Variants in LRRC2 observed in about 807,000 individuals in gnomAD.
The protein encoded by LRRC2 is leucine rich repeat containing 2.
Under a neutral mutation model 40.2 loss-of-function variants are expected in LRRC2, and 27 were observed. The ratio of observed to expected loss-of-function variants is 0.67; its 90% CI spans 0.49 to 0.93. The LOEUF (loss-of-function observed/expected upper bound fraction) is 0.93, where lower values mean the gene tolerates loss of function less well. Among genes scored for constraint, LRRC2 ranks in the 40% least tolerant of loss-of-function variants. LRRC2 has a pLI of 0.00. For missense variants in LRRC2, 402 were observed against 439.6 expected, an observed-to-expected ratio of 0.91 and a Z score of 0.76; for synonymous variants, 147 against 158.9, an observed-to-expected ratio of 0.92 and a Z score of 0.56.
At chr3:46,544,967 C>A in intron 3 of LRRC2, 79 bp downstream of exon 3, 1 of 1,319,096 alleles carries the variant, frequency 7.6e-7, no homozygotes, top group Non-Finnish European at 1.1e-6. Flanking sequence ...CAAAAGCATT[C>A]ATTCATTCAT....
chr3:46,522,352 G>T (rs1703978057), intron 7 of LRRC2, among the ~76,000 whole-genome samples: 1 of 150,828 alleles, frequency 6.6e-6, no homozygotes, highest in South Asian at 2.1e-4. Context: ...TCTAGTCTGG[G>T]CAACAGAGCG....
At chr3:46,541,644 T>C (rs1281622260) in intron 3 of LRRC2, among the ~76,000 whole-genome samples, 1 of 152,120 alleles carries the variant, frequency 6.6e-6, no homozygotes, top group Non-Finnish European at 1.5e-5. Context: ...CCTGGGCTTC[T>C]CACCAGAAGC....
At chr3:46,553,564 T>A (rs969845289) in intron 1 of LRRC2, among the ~76,000 whole-genome samples, 1 of 152,244 alleles carries the variant, frequency 6.6e-6, no homozygotes, top group Non-Finnish European at 1.5e-5. Context: ...CGCATGTCTG[T>A]AGTCCCTCAA....
At chr3:46,525,426 T>A (rs1166725608) in intron 7 of LRRC2, among the ~76,000 whole-genome samples, 3 of 151,854 alleles carry the variant, frequency 2.0e-5, no homozygotes, top group African/African-American at 7.3e-5. Context: ...AATTTCTTAA[T>A]TTTTTGTAGA....
chr3:46,534,869 A>G (rs1426381229), intron 4 of LRRC2, among the ~76,000 whole-genome samples: 1 of 152,240 alleles, frequency 6.6e-6, no homozygotes, highest in African/African-American at 2.4e-5. Flanking sequence ...GCTGCTCAAC[A>G]TAAAAGAGCT....
chr3:46,548,549 C>CA (rs34248798), intron 2 of LRRC2, among the ~76,000 whole-genome samples: 127 of 151,802 alleles, frequency 8.4e-4, no homozygotes, highest in South Asian at 2.1e-3. Flanking sequence ...AATAAACATA[C>CA]AAAAAAAATG....
At chr3:46,524,141 AGGCTT>A (rs1704014740) in intron 7 of LRRC2, among the ~76,000 whole-genome samples, 1 of 152,246 alleles carries the variant, frequency 6.6e-6, no homozygotes, top group Non-Finnish European at 1.5e-5. Context: ...CCATCTGGTA[AGGCTT>A]GGTAATGCCT....
chr3:46,520,009 C>T (rs888859150), intron 8 of LRRC2, among the ~76,000 whole-genome samples: 1 of 151,424 alleles, frequency 6.6e-6, no homozygotes, highest in Non-Finnish European at 1.5e-5. Context: ...TGAATATATA[C>T]AGAATAAAAT....
At chr3:46,519,145 A>G (rs1703920873) in intron 8 of LRRC2, 82 bp from the exon 9 acceptor site, 7 of 882,730 alleles carry the variant, frequency 7.9e-6, no homozygotes, top group Non-Finnish European at 1.4e-5. Context: ...ATACATAATG[A>G]ATGTATGTCA....
At chr3:46,541,332 CAAAAAAAA>C (rs571449281) in intron 3 of LRRC2, among the ~76,000 whole-genome samples, 1 of 63,946 alleles carries the variant, frequency 1.6e-5, no homozygotes, top group Non-Finnish European at 3.2e-5. Context: ...GACTCCGTCT[CAAAAAAAA>C]AAAAAAAAGA....
chr3:46,520,176 AATG>A (rs1703941046), intron 8 of LRRC2, among the ~76,000 whole-genome samples: 1 of 148,542 alleles, frequency 6.7e-6, no homozygotes, highest in Non-Finnish European at 1.5e-5. Flanking sequence ...ATATTTATTA[AATG>A]ATATTTTATA....
At position 46,516,210 on chromosome 3, in the gene LRRC2, C is replaced by T. The variant is rs558257865; in HGVS notation, c.*2804G>A. The T allele has an allele frequency of 1.7e-3, 255 of 152,150 alleles. No homozygotes were observed. The highest frequency in any genetic ancestry group is 2.8e-3 in the Non-Finnish European group (193 of 68,032). 9.4% of individuals were successfully genotyped at this position (152,150 alleles called of 1,614,324 possible). On this transcript the variant is annotated 3_prime_UTR_variant, in exon 9 of 9. Coordinates refer to ENST00000395905, the MANE Select transcript of LRRC2 (RefSeq NM_024512.5). ...TGACCTCATGATTCACCCATCTCGG[C>T]CTCCCAAAGTGCTGGGATTATAGGC...
chr3:46,532,884 G>A lies in LRRC2; in HGVS notation c.516C>T (p.Leu172=). Residue 172 remains leucine, a synonymous_variant, in exon 5 of 9, where the codon CTC becomes CTT. Transcript: ENST00000395905. ...EIGCLKNLKE[L]NVGFNYLKSI... ...TCTTCAGATAGTTGAAACCCACATTGAGTTCTTTCAGGTTCTTCAAACAAC... is the reference window on the plus strand; with the variant it reads ...TCTTCAGATAGTTGAAACCCACATTAAGTTCTTTCAGGTTCTTCAAACAAC... 1 of 1,613,960 alleles carries A rather than the reference G, an allele frequency of 6.2e-7. No individual in the cohort carries two copies. Among genetic ancestry groups the A allele is most frequent in the Non-Finnish European group, 8.5e-7 (1 of 1,179,920 alleles).
chr3:46,532,872 G>A lies in LRRC2; in HGVS notation c.528C>T (p.Phe176=). 2 of 1,613,982 alleles carry A rather than the reference G, an allele frequency of 1.2e-6. No homozygotes were observed. The highest frequency in any genetic ancestry group is 1.7e-6 in the Non-Finnish European group (2 of 1,179,918). ...LKNLKELNVG[F]NYLKSIPPEL... is the part of the protein sequence containing the mutation. ...CTGGAGGAATGCTCTTCAGATAGTT[G>A]AAACCCACATTGAGTTCTTTCAGGT... is the stretch of plus-strand genomic sequence containing the variant. The change falls in exon 5 of 9, where the codon TTC becomes TTT. Residue 176 remains phenylalanine, a synonymous_variant. Transcript: ENST00000395905.
intron 4 of LRRC2, among the ~76,000 whole-genome samples, chr3:46,535,968 C>T (rs12629867): frequency 0.2 from 30,874 of 152,056 alleles, 3,715 homozygotes; most frequent in Middle Eastern, 0.34. Context: ...GAGTAAATGA[C>T]TTGCTCAAGG....
chr3:46,538,005 C>G (rs1403837984), intron 4 of LRRC2, among the ~76,000 whole-genome samples: 1 of 152,208 alleles, frequency 6.6e-6, no homozygotes, highest in Non-Finnish European at 1.5e-5. Flanking sequence ...GTCTCCTCAT[C>G]CCTCAAGGTT....
At chr3:46,552,874 A>G (rs1308779167) in intron 1 of LRRC2, among the ~76,000 whole-genome samples, 2 of 152,214 alleles carry the variant, frequency 1.3e-5, no homozygotes, top group Non-Finnish European at 2.9e-5. Flanking sequence ...AAGGAAAGTC[A>G]AACTTGGGTA....
intron 3 of LRRC2, among the ~76,000 whole-genome samples, chr3:46,544,072 C>T (rs559844617): frequency 1.0e-5 from 1 of 97,778 alleles, no homozygotes; most frequent in East Asian, 2.9e-4. Flanking sequence ...AAAACCACCT[C>T]GGATCACATG....
At chr3:46,537,647 T>G (rs571769911) in intron 4 of LRRC2, among the ~76,000 whole-genome samples, 1 of 152,196 alleles carries the variant, frequency 6.6e-6, no homozygotes, top group Middle Eastern at 3.2e-3. Context: ...TCAAAAATGG[T>G]ACTTTTCAGT....
Sources: gnomAD v4.1 joint callset for allele counts (sites outside exome capture counted in the v4.1 genomes callset) on GRCh38, gnomAD v4.1.1 for gene constraint, MANE v1.5 for transcripts, NCBI Gene and HGNC (gene_info 2026-07-23, HGNC 2026-07-21) for gene names.